RNF38: variants seen among roughly 807,000 people sequenced by gnomAD.
RNF38 encodes the protein ring finger protein 38, also known as E3 ubiquitin-protein ligase RNF38.
A neutral mutation model predicts 67.2 loss-of-function variants in RNF38; 15 were observed. The ratio of observed to expected loss-of-function variants is 0.22; its 90% confidence interval spans 0.15 to 0.34. The LOEUF (loss-of-function observed/expected upper bound fraction) is 0.34, where lower values mean the gene tolerates loss of function less well. Among genes scored for constraint, RNF38 ranks in the 10% least tolerant of loss-of-function variants. The pLI is 1.00. For missense variants in RNF38, 524 were observed against 639.9 expected (o/e 0.82, Z 1.95); for synonymous variants, 220 against 218.8 (o/e 1.01, Z -0.05).
chr9:36,469,643 A>G (rs963200553), intron 1 of RNF38, among the ~76,000 whole-genome samples: 1 of 152,086 alleles, frequency 6.6e-6, no homozygotes, highest in Admixed American at 6.6e-5. Context: ...CCTGGGCAAC[A>G]AGAGCAAAAC....
At chr9:36,435,560 T>C (rs1392497951) in intron 1 of RNF38, among the ~76,000 whole-genome samples, 3 of 151,934 alleles carry the variant, frequency 2.0e-5, no homozygotes, top group African/African-American at 7.3e-5. Context: ...CAATAGTTAA[T>C]GATCAGTACT....
intron 6 of RNF38, among the ~76,000 whole-genome samples, chr9:36,355,332 C>A (rs955912496): frequency 1.3e-5 from 2 of 152,190 alleles, no homozygotes; most frequent in African/African-American, 4.8e-5. Context: ...TGATGCTGAA[C>A]CTGGCCTATC....
intron 2 of RNF38, among the ~76,000 whole-genome samples, chr9:36,381,262 C>T (rs1035485476): frequency 6.6e-6 from 1 of 152,172 alleles, no homozygotes; most frequent in Non-Finnish European, 1.5e-5. Flanking sequence ...ATTCCCACTG[C>T]TTTTGTAAAC....
At chr9:36,378,169 CTTTTT>C (rs35057784) in intron 2 of RNF38, among the ~76,000 whole-genome samples, 6 of 114,874 alleles carry the variant, frequency 5.2e-5, no homozygotes, top group East Asian at 5.2e-4. Flanking sequence ...TTAACACTGA[CTTTTT>C]TTTTTTTTTT....
chr9:36,455,206 C>T (rs1168219484), intron 1 of RNF38, among the ~76,000 whole-genome samples: 3 of 151,858 alleles, frequency 2.0e-5, no homozygotes, highest in East Asian at 3.9e-4. Context: ...ATCACAGGCA[C>T]GGACCACCAT....
intron 1 of RNF38, among the ~76,000 whole-genome samples, chr9:36,483,510 T>C (rs1349659307): frequency 2.6e-5 from 4 of 152,144 alleles, no homozygotes; most frequent in Non-Finnish European, 5.9e-5. Flanking sequence ...TCAGATTTGT[T>C]AACATAAATT....
chr9:36,394,824 T>C (rs1837400363), intron 1 of RNF38, among the ~76,000 whole-genome samples: 1 of 152,190 alleles, frequency 6.6e-6, no homozygotes, highest in Admixed American at 6.5e-5. Flanking sequence ...ACCAGGCCTA[T>C]TTAAAACCAT....
chr9:36,377,701 C>T (rs1440080640), intron 2 of RNF38, among the ~76,000 whole-genome samples: 1 of 152,150 alleles, frequency 6.6e-6, no homozygotes, highest in East Asian at 1.9e-4. Flanking sequence ...GCTCAGGTTC[C>T]TGATATAAAA....
upstream of RNF38, chr9:36,487,631 C>G (rs1346415297): frequency 2.1e-6 from 2 of 957,254 alleles, no homozygotes; most frequent in Non-Finnish European, 2.5e-6. Context: ...GGGCCCCGGC[C>G]GGCAGCAGCG....
At position 36,344,280 on chromosome 9, in the gene RNF38, G is replaced by A. The variant is rs1050259960; in HGVS notation, c.1385+552C>T. ...TCCACTCGCCTCAGCCTCCCAGAGT[G>A]CTGGGATTACATGTGTGAGCCACTG... On this transcript the variant is annotated intron_variant, in intron 10 of 11. Transcript: ENST00000259605. 3.9e-5 allele frequency among the ~76,000 whole-genome samples: 6 copies of A among 152,272 alleles called. No individual in the cohort carries two copies. In the South Asian group the frequency reaches 8.3e-4, roughly 21 times the overall value.
upstream of RNF38, among the ~76,000 whole-genome samples, chr9:36,402,177 G>A (rs1016278817): frequency 1.3e-5 from 2 of 152,148 alleles, no homozygotes; most frequent in African/African-American, 4.8e-5. Context: ...AACATCATAG[G>A]TTTTGGAATT....
chr9:36,405,126 G>T (rs1838146483), upstream of RNF38, among the ~76,000 whole-genome samples: 1 of 152,094 alleles, frequency 6.6e-6, no homozygotes, highest in East Asian at 1.9e-4. Context: ...AATTAGCCAG[G>T]CATGGTGGCA....
At chr9:36,485,183 CAA>C (rs1298613306) in intron 1 of RNF38, among the ~76,000 whole-genome samples, 162 of 152,158 alleles carry the variant, frequency 1.1e-3, no homozygotes, top group African/African-American at 3.7e-3. Context: ...AACGAACAAA[CAA>C]ATAAATAATA....
chr9:36,361,319 T>A (rs1486865287), intron 4 of RNF38, among the ~76,000 whole-genome samples: 1 of 151,820 alleles, frequency 6.6e-6, no homozygotes, highest in Non-Finnish European at 1.5e-5. Context: ...GCCCAGCTAA[T>A]TTTTTCTGTA....
At chr9:36,342,501 T>G in intron 10 of RNF38, 77 bp from the exon 11 acceptor site, 4 of 878,956 alleles carry the variant, frequency 4.6e-6, no homozygotes, top group South Asian at 1.4e-5. Flanking sequence ...ACCTACAAGA[T>G]AATTTATTCT....
At chr9:36,351,799 C>T (rs1443072268) in intron 8 of RNF38, among the ~76,000 whole-genome samples, 1 of 152,130 alleles carries the variant, frequency 6.6e-6, no homozygotes, top group Non-Finnish European at 1.5e-5. Context: ...AGGGGTTATA[C>T]GTGCCACTTC....
At chr9:36,397,998 A>T (rs922765437) in intron 1 of RNF38, among the ~76,000 whole-genome samples, 13 of 152,222 alleles carry the variant, frequency 8.5e-5, no homozygotes, top group African/African-American at 2.9e-4. Context: ...GCACACACAT[A>T]TAATTACTTA....
At chr9:36,368,445 G>A (rs1271963276) in intron 4 of RNF38, among the ~76,000 whole-genome samples, 4 of 151,874 alleles carry the variant, frequency 2.6e-5, no homozygotes, top group Non-Finnish European at 4.4e-5. Flanking sequence ...ATTTTTCTCT[G>A]TGTTCACATA....
Position 36,473,826 on chromosome 9 carries a change from A to T in RNF38, n.241+13482T>A, listed in dbSNP as rs569636260. ...ATGGTGAAACCCCGTCTCTACTAAA[A>T]ATACAAAAAAATTAGCCGGGCGTGG... On this transcript the variant is annotated intron_variant and non_coding_transcript_variant, in intron 1 of 3. Coordinates refer to the RNF38 transcript ENST00000488058. Among the ~76,000 whole-genome samples, 4 of 151,034 alleles carry T rather than the reference A, an allele frequency of 2.6e-5. No individual in the cohort carries two copies. The South Asian group carries it at 8.4e-4, about 32-fold the overall frequency.
Sources: gnomAD v4.1 joint callset for allele counts (sites outside exome capture counted in the v4.1 genomes callset) on GRCh38, gnomAD v4.1.1 for gene constraint, MANE v1.5 for transcripts, NCBI Gene and HGNC (gene_info 2026-07-23, HGNC 2026-07-21) for gene names.